PKNOX2: variants seen among roughly 807,000 people sequenced by gnomAD.
PKNOX2 encodes PBX/knotted 1 homeobox 2, also known as homeobox protein PKNOX2.
A neutral mutation model predicts 53.1 loss-of-function variants in PKNOX2; 14 were observed. That is an observed-to-expected ratio of 0.26 (90% CI 0.17 to 0.41). PKNOX2 has a LOEUF of 0.41. Among genes scored for constraint, PKNOX2 ranks in the 10% least tolerant of loss-of-function variants. The pLI, the probability that PKNOX2 is intolerant of heterozygous loss-of-function variation, is 1.00. For missense variants in PKNOX2, 496 were observed against 602.8 expected, an observed-to-expected ratio of 0.82 and a Z score of 1.85; for synonymous variants, 257 against 242.8, an observed-to-expected ratio of 1.06 and a Z score of -0.54.
intron 2 of PKNOX2, among the ~76,000 whole-genome samples, chr11:125,328,988 T>C (rs1218585906): frequency 1.3e-5 from 2 of 152,224 alleles, no homozygotes; most frequent in Admixed American, 6.5e-5. Flanking sequence ...GACTTGGCAA[T>C]TCCACATCCA....
chr11:125,180,099 G>A (rs79039924), intron 1 of PKNOX2, among the ~76,000 whole-genome samples: 2,061 of 152,258 alleles, frequency 0.014, 53 homozygotes, highest in African/African-American at 0.046. Flanking sequence ...GCCCCCGCGT[G>A]TACTGGTCCT....
intron 1 of PKNOX2, among the ~76,000 whole-genome samples, chr11:125,205,932 G>T (rs1158514519): frequency 6.6e-6 from 1 of 152,110 alleles, no homozygotes; most frequent in Non-Finnish European, 1.5e-5. Context: ...TCACCTGATG[G>T]AACAGGATTA....
intron 2 of PKNOX2, among the ~76,000 whole-genome samples, chr11:125,236,204 C>T (rs1185646824): frequency 2.0e-5 from 3 of 152,210 alleles, no homozygotes; most frequent in Non-Finnish European, 2.9e-5. Flanking sequence ...GAGCAGGGCG[C>T]CGGCCCTCCC....
intron 7 of PKNOX2, among the ~76,000 whole-genome samples, chr11:125,402,730 G>A (rs1423120425): frequency 6.6e-6 from 1 of 152,212 alleles, no homozygotes; most frequent in Non-Finnish European, 1.5e-5. Context: ...GCTGCAGGCA[G>A]GGATTCTGGA....
At chr11:125,215,153 C>T (rs992123652) in intron 1 of PKNOX2, among the ~76,000 whole-genome samples, 3 of 152,064 alleles carry the variant, frequency 2.0e-5, no homozygotes, top group Non-Finnish European at 4.4e-5. Context: ...GGGAGGCTCT[C>T]GGATTGTCCA....
intron 3 of PKNOX2, among the ~76,000 whole-genome samples, chr11:125,346,875 C>G (rs997056362): frequency 6.6e-6 from 1 of 151,378 alleles, no homozygotes; most frequent in African/African-American, 2.4e-5. Context: ...CAGGCAGACC[C>G]AGGGCCACCG....
In PKNOX2 at chr11:125,178,465, T is replaced by G. The variant is rs79353127; in HGVS notation, c.-201+13689T>G. 2.7e-5 allele frequency among the ~76,000 whole-genome samples: 4 copies of G among 147,434 alleles called. 1 individual carries two copies. In the South Asian group the frequency reaches 8.5e-4, roughly 31 times the overall value. ...GGCGGAGGTTGCGGTGAGCCGAGAT[T>G]GTGCCATTACACTCCAGCCTGGGCA... On this transcript the variant is annotated intron_variant, in intron 1 of 12. Transcript: ENST00000298282.
intron 1 of PKNOX2, among the ~76,000 whole-genome samples, chr11:125,211,286 C>T (rs1341323647): frequency 6.6e-6 from 1 of 152,106 alleles, no homozygotes; most frequent in Non-Finnish European, 1.5e-5. Context: ...TGGAACATTA[C>T]CTGGAAGAGA....
At chr11:125,299,967 G>A (rs192694144) in intron 2 of PKNOX2, among the ~76,000 whole-genome samples, 11 of 152,352 alleles carry the variant, frequency 7.2e-5, no homozygotes, top group Admixed American at 6.5e-4. Context: ...TAGAAGGTGA[G>A]CCTTAGGCCT....
At chr11:125,382,439 C>G (rs1045640637) in intron 5 of PKNOX2, among the ~76,000 whole-genome samples, 4 of 152,228 alleles carry the variant, frequency 2.6e-5, no homozygotes, top group African/African-American at 9.6e-5. Context: ...GCACCCCCAC[C>G]ACCTGGCACG....
At chr11:125,318,049 A>T (rs1196436857) in intron 2 of PKNOX2, among the ~76,000 whole-genome samples, 2 of 152,158 alleles carry the variant, frequency 1.3e-5, no homozygotes, top group Admixed American at 6.6e-5. Flanking sequence ...CTTTTATGTT[A>T]TAGAGATAGT....
At chr11:125,209,610 CA>C (rs1355263152) in intron 1 of PKNOX2, among the ~76,000 whole-genome samples, 1 of 151,788 alleles carries the variant, frequency 6.6e-6, no homozygotes, top group Non-Finnish European at 1.5e-5. Context: ...ACAGAAAACA[CA>C]AATGAAAAAG....
chr11:125,414,323 CT>C (rs1478864946), intron 10 of PKNOX2, among the ~76,000 whole-genome samples: 2 of 152,332 alleles, frequency 1.3e-5, no homozygotes, highest in Non-Finnish European at 2.9e-5. Flanking sequence ...CCACCCACCC[CT>C]GTTGCCCTCT....
chr11:125,250,897 G>A (rs1399172994), intron 2 of PKNOX2, among the ~76,000 whole-genome samples: 1 of 152,276 alleles, frequency 6.6e-6, no homozygotes, highest in Non-Finnish European at 1.5e-5. Context: ...GCAGAATGGG[G>A]CTGGGCCCAG....
At chr11:125,343,090 G>C (rs892138122) in intron 3 of PKNOX2, among the ~76,000 whole-genome samples, 2 of 151,966 alleles carry the variant, frequency 1.3e-5, no homozygotes, top group Non-Finnish European at 2.9e-5. Context: ...CAGGGCAGCA[G>C]CTGTGGCCTC....
At chr11:125,259,801 A>C (rs1267021059) in intron 2 of PKNOX2, among the ~76,000 whole-genome samples, 1 of 151,050 alleles carries the variant, frequency 6.6e-6, no homozygotes, top group African/African-American at 2.4e-5. Context: ...GCACCTCACC[A>C]CACAGCCTGC....
At chr11:125,341,292 GT>G (rs1189043794) in intron 3 of PKNOX2, among the ~76,000 whole-genome samples, 2 of 151,340 alleles carry the variant, frequency 1.3e-5, no homozygotes, top group African/African-American at 4.9e-5. Context: ...GGAGGCAGAG[GT>G]TGCAGTAAGC....
At chr11:125,274,131 T>C (rs1946001932) in intron 2 of PKNOX2, among the ~76,000 whole-genome samples, 1 of 152,230 alleles carries the variant, frequency 6.6e-6, no homozygotes, top group Non-Finnish European at 1.5e-5. Context: ...ATTTATTCTC[T>C]CATTTACTTT....
intron 10 of PKNOX2, among the ~76,000 whole-genome samples, chr11:125,428,598 C>T (rs1416333572): frequency 6.6e-6 from 1 of 152,192 alleles, no homozygotes; most frequent in Non-Finnish European, 1.5e-5. Context: ...TTAAATTGAT[C>T]CATTCACCCC....
Sources: allele counts gnomAD v4.1 joint callset (sites outside exome capture counted in the v4.1 genomes callset), GRCh38; gene constraint gnomAD v4.1.1; transcripts MANE v1.5; gene names NCBI Gene and HGNC (gene_info 2026-07-23, HGNC 2026-07-21).